The following DOCK9 variants were observed in gnomAD, a reference collection of about 807,000 sequenced individuals.
DOCK9 encodes the protein dedicator of cytokinesis 9, also known as dedicator of cytokinesis protein 9.
Under a neutral mutation model 263.3 loss-of-function variants are expected in DOCK9, and 89 were observed. That is an observed-to-expected ratio of 0.34 (90% confidence interval 0.28 to 0.40). The LOEUF is 0.40. DOCK9 is among the 10% of genes least tolerant of loss of function. The pLI is 1.00. For missense variants in DOCK9, 2,140 were observed against 2,603.4 expected (o/e 0.82, Z 3.87); for synonymous variants, 976 against 973.1 (o/e 1.00, Z -0.06).
chr13:98,904,567 A>G, intron 10 of DOCK9, 65 bp downstream of exon 10: 1 of 1,182,770 alleles, frequency 8.5e-7, no homozygotes, highest in Non-Finnish European at 1.2e-6. Flanking sequence ...ATAAACAAAT[A>G]AGCCCATCGA....
intron 7 of DOCK9, among the ~76,000 whole-genome samples, chr13:98,917,634 C>T (rs1419605876): frequency 1.4e-5 from 2 of 145,706 alleles, no homozygotes; most frequent in Non-Finnish European, 1.5e-5. Context: ...TGTATTTTAC[C>T]TTTTTTTTTC....
intron 7 of DOCK9, among the ~76,000 whole-genome samples, chr13:98,916,419 C>T (rs1243963542): frequency 1.3e-5 from 2 of 152,166 alleles, no homozygotes; most frequent in Non-Finnish European, 2.9e-5. Flanking sequence ...AAATCAAACA[C>T]TCCCACTAAC....
chr13:99,021,499 C>T (rs1886091420), intron 1 of DOCK9, among the ~76,000 whole-genome samples: 1 of 151,792 alleles, frequency 6.6e-6, no homozygotes, highest in Admixed American at 6.6e-5. Flanking sequence ...ATTAGCCGGG[C>T]GTGGTGGCGG....
intron 3 of DOCK9, among the ~76,000 whole-genome samples, chr13:98,927,685 A>G (rs1204146946): frequency 1.3e-5 from 2 of 151,690 alleles, no homozygotes; most frequent in Admixed American, 6.6e-5. Flanking sequence ...CAGTGGTGCA[A>G]TCTTGGCTCA....
intron 36 of DOCK9, 84 bp downstream of exon 36, chr13:98,849,963 T>A: frequency 1.0e-6 from 1 of 981,300 alleles, no homozygotes; most frequent in Admixed American, 2.3e-5. Context: ...ACTACTCCTC[T>A]GGTTCAACTA....
intron 1 of DOCK9, among the ~76,000 whole-genome samples, chr13:98,963,616 G>A (rs1207458789): frequency 6.6e-6 from 1 of 152,124 alleles, no homozygotes; most frequent in Non-Finnish European, 1.5e-5. Context: ...AAACTAAATG[G>A]CAACTCTTGG....
intron 1 of DOCK9, among the ~76,000 whole-genome samples, chr13:98,972,121 T>G (rs1049350255): frequency 1.3e-5 from 2 of 152,218 alleles, no homozygotes; most frequent in Admixed American, 6.5e-5. Flanking sequence ...TTATTGAATG[T>G]GTAACTTTGA....
At chr13:99,056,688 G>A (rs914680619) in intron 1 of DOCK9, among the ~76,000 whole-genome samples, 3 of 152,166 alleles carry the variant, frequency 2.0e-5, no homozygotes, top group Admixed American at 6.5e-5. Flanking sequence ...TGCTGGGGTG[G>A]CTGCCCGGCA....
rs1263156527 is a variant in DOCK9 at position 99,082,599 on chromosome 13, G to A, written c.129+3624C>T. 4.6e-5 allele frequency among the ~76,000 whole-genome samples: 7 copies of A among 151,938 alleles called. No homozygotes were observed. The East Asian group carries it at 1.2e-3, about 25-fold the overall frequency. On this transcript the variant is annotated intron_variant, in intron 1 of 32. Transcript: ENST00000427887. Reference sequence around the variant, plus strand: ...CAGCTTCAAATAGAAGCCCATTGGTGGAATAAGGGACTCTAGAAAAACCGA... The same window carrying A: ...CAGCTTCAAATAGAAGCCCATTGGTAGAATAAGGGACTCTAGAAAAACCGA...
intron 1 of DOCK9, among the ~76,000 whole-genome samples, chr13:98,956,339 C>T (rs1385584492): frequency 3.3e-5 from 5 of 152,208 alleles, no homozygotes; most frequent in African/African-American, 9.7e-5. Flanking sequence ...TTATGGCTCG[C>T]TTTCCACATG....
intron 1 of DOCK9, among the ~76,000 whole-genome samples, chr13:99,048,582 T>A (rs1403543696): frequency 6.6e-6 from 1 of 152,198 alleles, no homozygotes; most frequent in Non-Finnish European, 1.5e-5. Flanking sequence ...TTGGTGCTTC[T>A]TCCAGTGTTT....
rs2047726715 is a variant in DOCK9 at position 98,898,214 on chromosome 13, T to C, written c.1551A>G (p.Leu517=). The C allele has an allele frequency of 6.2e-7, 1 of 1,612,264 alleles. No individual in the cohort carries two copies. The highest frequency in any genetic ancestry group is 2.2e-5 in the East Asian group (1 of 44,866). ...AAGCAAATGGCATTCTATACTGTCCTAGTCTTTGGCATGCCTGCTTGGCAT... is the reference window on the plus strand; with the variant it reads ...AAGCAAATGGCATTCTATACTGTCCCAGTCTTTGGCATGCCTGCTTGGCAT... ...LKNAKQACQR[L]GQYRMPFAWA... Residue 517 remains leucine, a synonymous_variant, in exon 14 of 53, where the codon CTA becomes CTG. Transcript: ENST00000682017.
intron 49 of DOCK9, among the ~76,000 whole-genome samples, chr13:98,803,338 G>A (rs1244495861): frequency 3.9e-5 from 6 of 152,186 alleles, no homozygotes; most frequent in African/African-American, 1.2e-4. Flanking sequence ...TTATGAATCC[G>A]TACACTGCCT....
chr13:99,022,077 T>A (rs1056513294), intron 1 of DOCK9, among the ~76,000 whole-genome samples: 2 of 152,224 alleles, frequency 1.3e-5, no homozygotes, highest in Non-Finnish European at 2.9e-5. Flanking sequence ...AGGAACATAA[T>A]CTTCAAAATT....
chr13:99,046,018 G>A (rs542780110), intron 1 of DOCK9, among the ~76,000 whole-genome samples: 11 of 151,308 alleles, frequency 7.3e-5, no homozygotes, highest in South Asian at 4.2e-4. Context: ...GGAGAATGGC[G>A]TGAACCCGGG....
At chr13:98,798,742 A>G (rs539063296) in intron 50 of DOCK9, among the ~76,000 whole-genome samples, 1 of 152,300 alleles carries the variant, frequency 6.6e-6, no homozygotes, top group South Asian at 2.1e-4. Flanking sequence ...AAAATGATAA[A>G]GTTAATTTCC....
chr13:98,958,171 A>T (rs1184499377), intron 1 of DOCK9, among the ~76,000 whole-genome samples: 1 of 152,192 alleles, frequency 6.6e-6, no homozygotes, highest in Non-Finnish European at 1.5e-5. Flanking sequence ...GGCAGCCAGG[A>T]GGCTTTCTGG....
intron 1 of DOCK9, among the ~76,000 whole-genome samples, chr13:98,987,847 G>A (rs528338041): frequency 1.3e-5 from 2 of 152,018 alleles, no homozygotes; most frequent in African/African-American, 2.4e-5. Flanking sequence ...ACATAATTTT[G>A]TCTCCTTTTT....
At position 98,957,143 on chromosome 13, in the gene DOCK9, A is replaced by G. The variant is rs1463965069; in HGVS notation, c.127-1592T>C. ...TCTGCAGCCACGCACACAGGATCCA[A>G]CGCAGAACTGGGTGGCCTGAGGAAA... is the stretch of plus-strand genomic sequence containing the variant. On this transcript the variant is annotated intron_variant, in intron 1 of 52. Transcript: ENST00000682017. 3.3e-5 allele frequency among the ~76,000 whole-genome samples: 5 copies of G among 152,306 alleles called. No homozygotes were observed. The East Asian group carries it at 5.8e-4, about 18-fold the overall frequency.
Sources: allele counts gnomAD v4.1 joint callset (sites outside exome capture counted in the v4.1 genomes callset), GRCh38; gene constraint gnomAD v4.1.1; transcripts MANE v1.5; gene names NCBI Gene and HGNC (gene_info 2026-07-23, HGNC 2026-07-21).